SCOC: variants seen among roughly 807,000 people sequenced by gnomAD.
SCOC encodes short coiled-coil protein.
SCOC carries 7 observed loss-of-function variants against 9.9 expected under a neutral mutation model. The ratio of observed to expected loss-of-function variants is 0.71; its 90% CI spans 0.40 to 1.33. The LOEUF (loss-of-function observed/expected upper bound fraction) is 1.33. Among genes scored for constraint, SCOC ranks in the 40% most tolerant of loss-of-function variants. SCOC has a pLI of 0.01. For missense variants in SCOC, 66 were observed against 89.7 expected (o/e 0.74, Z 1.07); for synonymous variants, 19 against 28.2 (o/e 0.67, Z 1.03).
At chr4:140,321,135 C>A (rs1319682979) in intron 1 of SCOC, among the ~76,000 whole-genome samples, 3 of 152,128 alleles carry the variant, frequency 2.0e-5, no homozygotes, top group Admixed American at 6.6e-5. Context: ...GTAACCATAG[C>A]AATAACAAAC....
At chr4:140,285,169 CA>C in intron 1 of SCOC, 2 of 456,668 alleles carry the variant, frequency 4.4e-6, no homozygotes, top group South Asian at 3.1e-5. Context: ...AGTTGGGTCC[CA>C]AGGTCTTACT....
chr4:140,342,951 G>A (rs1214602257), upstream of SCOC, among the ~76,000 whole-genome samples: 1 of 152,080 alleles, frequency 6.6e-6, no homozygotes, highest in Admixed American at 6.6e-5. Flanking sequence ...GTGTATTGAT[G>A]AGCTCAATAT....
intron 1 of SCOC, among the ~76,000 whole-genome samples, chr4:140,296,000 G>C (rs1360644646): frequency 6.6e-6 from 1 of 151,334 alleles, no homozygotes; most frequent in African/African-American, 2.4e-5. Context: ...AGCTGCAGGT[G>C]CCTGGGTCCC....
chr4:140,315,716 C>T (rs1305139799), intron 1 of SCOC, among the ~76,000 whole-genome samples: 1 of 152,174 alleles, frequency 6.6e-6, no homozygotes, highest in Non-Finnish European at 1.5e-5. Flanking sequence ...AAGGGATAAC[C>T]TACCACTCTC....
At chr4:140,376,057 T>C (rs1472183167) in intron 1 of SCOC, among the ~76,000 whole-genome samples, 1 of 152,210 alleles carries the variant, frequency 6.6e-6, no homozygotes, top group East Asian at 1.9e-4. Flanking sequence ...ATTGATGTTA[T>C]AGCAACTATA....
chr4:140,275,236 C>T lies in SCOC; in HGVS notation c.-19+17826C>T, dbSNP rs1578760857. On this transcript the variant is annotated intron_variant, in intron 1 of 4. Transcript: ENST00000394205. The stretch of plus-strand genomic sequence containing the variant: ...ATATAATGACCCTGTTAAGAGGGCT[C>T]TTTCTGTCTCTGAACTATTACAATG... 2.0e-5 allele frequency among the ~76,000 whole-genome samples: 3 copies of T among 152,324 alleles called. 1 individual carries two copies. Among genetic ancestry groups the T allele is most frequent in the Admixed American group, 1.3e-4 (2 of 15,298 alleles).
At chr4:140,276,569 C>T (rs996657956) in intron 1 of SCOC, among the ~76,000 whole-genome samples, 26 of 152,100 alleles carry the variant, frequency 1.7e-4, no homozygotes, top group African/African-American at 6.0e-4. Flanking sequence ...ATTCTCTCTG[C>T]GTCAGCCTCC....
rs1262177463 is a variant in SCOC, at chr4:140,384,271, CTA to C, written c.*3172_*3173del. The C allele has an allele frequency of 6.6e-6, 1 of 152,166 alleles. No homozygotes were observed. The highest frequency in any genetic ancestry group is 2.4e-5 in the African/African-American group (1 of 41,432). 9.4% of individuals were successfully genotyped at this position (152,166 alleles called of 1,614,324 possible). Reference sequence around the variant, plus strand: ...TTGTCATGTTAATGGTAAGCTAATGCTATATACTTAGTTTTTGCTATGCAATA... The same window carrying C: ...TTGTCATGTTAATGGTAAGCTAATGCTATACTTAGTTTTTGCTATGCAATA... On this transcript the variant is annotated 3_prime_UTR_variant, in exon 4 of 4. Transcript: ENST00000608372.
upstream of SCOC, among the ~76,000 whole-genome samples, chr4:140,338,477 G>A (rs917839629): frequency 1.3e-5 from 2 of 152,086 alleles, no homozygotes; most frequent in East Asian, 3.8e-4. Context: ...AGAAATAAAG[G>A]GTATTCAATC....
chr4:140,375,482 G>C (rs907881095), intron 1 of SCOC, among the ~76,000 whole-genome samples: 1 of 152,190 alleles, frequency 6.6e-6, no homozygotes, highest in Non-Finnish European at 1.5e-5. Context: ...TTTGAATCCA[G>C]GTAATCTGAA....
At chr4:140,313,989 T>C (rs1732235176) in intron 1 of SCOC, among the ~76,000 whole-genome samples, 1 of 151,434 alleles carries the variant, frequency 6.6e-6, no homozygotes, top group African/African-American at 2.4e-5. Flanking sequence ...ATTAGCCGGG[T>C]GTGGTGGCAC....
intron 1 of SCOC, among the ~76,000 whole-genome samples, chr4:140,334,835 C>T (rs922772962): frequency 1.3e-5 from 2 of 152,170 alleles, no homozygotes; most frequent in Admixed American, 6.5e-5. Context: ...GACATGATGG[C>T]TCACACCTGT....
intron 1 of SCOC, among the ~76,000 whole-genome samples, chr4:140,264,653 A>T (rs1730697436): frequency 6.6e-6 from 1 of 152,166 alleles, no homozygotes; most frequent in Admixed American, 6.5e-5. Flanking sequence ...CAACCAAAAC[A>T]ATTCATCCTG....
At chr4:140,268,089 G>A (rs1730769726) in intron 1 of SCOC, among the ~76,000 whole-genome samples, 1 of 152,188 alleles carries the variant, frequency 6.6e-6, no homozygotes, top group Non-Finnish European at 1.5e-5. Context: ...GACTTTAATG[G>A]AGGAATTGAT....
chr4:140,376,013 T>C (rs920553856), intron 1 of SCOC, among the ~76,000 whole-genome samples: 3 of 152,180 alleles, frequency 2.0e-5, no homozygotes, highest in Admixed American at 1.3e-4. Flanking sequence ...GAGTTGAAAG[T>C]GAACTCTTAA....
chr4:140,266,076 CA>C (rs1413166707), intron 1 of SCOC, among the ~76,000 whole-genome samples: 1 of 152,188 alleles, frequency 6.6e-6, no homozygotes, highest in Admixed American at 6.5e-5. Flanking sequence ...TTCTGAGGCC[CA>C]ATCTTTGATT....
chr4:140,352,277 T>C (rs879632449), intron 2 of SCOC, among the ~76,000 whole-genome samples: 14 of 152,202 alleles, frequency 9.2e-5, no homozygotes, highest in African/African-American at 3.1e-4. Flanking sequence ...AACAAGTATG[T>C]TAATTGCACC....
intron 1 of SCOC, among the ~76,000 whole-genome samples, chr4:140,308,376 G>A (rs1208571149): frequency 6.6e-6 from 1 of 152,136 alleles, no homozygotes; most frequent in Non-Finnish European, 1.5e-5. Context: ...ACAGAGCCTG[G>A]GAGGATTTCT....
chr4:140,344,183 G>A (rs1726617205), intron 2 of SCOC, among the ~76,000 whole-genome samples: 2 of 152,308 alleles, frequency 1.3e-5, no homozygotes, highest in African/African-American at 4.8e-5. Context: ...AAGGAACCAA[G>A]TGGGAGAGCA....
Sources: allele counts gnomAD v4.1 joint callset (sites outside exome capture counted in the v4.1 genomes callset), GRCh38; gene constraint gnomAD v4.1.1; transcripts MANE v1.5; gene names NCBI Gene and HGNC (gene_info 2026-07-23, HGNC 2026-07-21).